Variants in VDR observed in about 807,000 individuals in gnomAD.
VDR encodes the protein vitamin D receptor.
In VDR, 19 loss-of-function variants were observed where a neutral mutation model predicts 39.7. That is an observed-to-expected ratio of 0.48 (90% CI 0.33 to 0.70). VDR has a LOEUF of 0.70. VDR is among the 30% of genes least tolerant of loss of function. VDR has a pLI of 0.02. For synonymous variants in VDR, 242 were observed against 215.8 expected (o/e 1.12, Z -1.07); for missense variants, 442 against 570.5 (o/e 0.77, Z 2.29).
Position 47,844,444 on chromosome 12 carries a change from G to A in VDR, c.*302C>T, listed in dbSNP as rs1208560605. The A allele has an allele frequency of 1.3e-5, 7 of 552,814 alleles. No homozygotes were observed. Among genetic ancestry groups the A allele is most frequent in the South Asian group, 2.1e-5 (1 of 47,718 alleles). 34.2% of individuals were successfully genotyped at this position (552,814 alleles called of 1,614,324 possible). ...ATCAGTCAGCAGCCACTTAGGCAGC[G>A]GTGGAGGCATCTCTGGGCAAGGCCC... On this transcript the variant is annotated 3_prime_UTR_variant, in exon 10 of 10. Coordinates refer to ENST00000549336, the MANE Select transcript of VDR (RefSeq NM_000376.3).
chr12:47,848,713 C>A (rs1365409495), intron 7 of VDR, among the ~76,000 whole-genome samples: 3 of 151,960 alleles, frequency 2.0e-5, no homozygotes, highest in Non-Finnish European at 4.4e-5. Flanking sequence ...ATTAGAGGCA[C>A]CTGCCACCAC....
chr12:47,882,700 G>C lies in VDR; in HGVS notation c.-9C>G. ...CTGATGAGGAAACACCTACCTGAAGGAGCAGGGGGCAGGTAAGTGGAGCCC... is the reference window on the plus strand; with the variant it reads ...CTGATGAGGAAACACCTACCTGAAGCAGCAGGGGGCAGGTAAGTGGAGCCC... On this transcript the variant is annotated 5_prime_UTR_variant, in exon 2 of 10. Coordinates refer to ENST00000549336, the MANE Select transcript of VDR (RefSeq NM_000376.3). 6.7e-7 allele frequency: 1 copy of C among 1,497,696 alleles called. No homozygotes were observed. Among genetic ancestry groups the C allele is most frequent in the African/African-American group, 1.4e-5 (1 of 70,948 alleles). The allele number at this position is 1,497,696 out of a possible 1,614,324, so 92.8% of individuals were successfully genotyped here.
intron 1 of VDR, among the ~76,000 whole-genome samples, chr12:47,895,857 C>T (rs576297804): frequency 1.5e-4 from 23 of 152,332 alleles, no homozygotes; most frequent in Non-Finnish European, 2.9e-4. Context: ...CCTGCTGGGC[C>T]GAGAGGGGCT....
chr12:47,846,210 T>A (rs899491221), intron 9 of VDR, 125 bp downstream of exon 9: 24 of 796,748 alleles, frequency 3.0e-5, no homozygotes, highest in Non-Finnish European at 5.0e-5. Context: ...AAGTAGGTAT[T>A]TCCTTATCTG....
rs71077177 is a variant in VDR, at chr12:47,873,351, C to CTTTTTTTTTTTTTTT, written c.146+5602_146+5616dup. ...ACCATGAGTCAATTAAACCTGTTTT[C>CTTTTTTTTTTTTTTT]TTTTTTTTTTTTTTTTTTTTTTTTT... is the stretch of plus-strand genomic sequence containing the variant. On this transcript the variant is annotated intron_variant, in intron 3 of 9. Transcript: ENST00000549336. Among the ~76,000 whole-genome samples, 220 of 98,408 alleles carry CTTTTTTTTTTTTTTT rather than the reference C, an allele frequency of 2.2e-3. 29 individuals carry two copies. Among genetic ancestry groups the CTTTTTTTTTTTTTTT allele is most frequent in the East Asian group, 5.6e-3 (13 of 2,322 alleles). 64.6% of individuals were successfully genotyped at this position (98,408 alleles called of 152,430 possible). A position where few individuals can be genotyped will look rare whatever the true frequency, so the allele number is the denominator to read the frequency against.
intron 3 of VDR, among the ~76,000 whole-genome samples, chr12:47,866,248 C>T (rs1032637663): frequency 6.6e-5 from 10 of 151,978 alleles, no homozygotes; most frequent in African/African-American, 2.4e-4. Context: ...GCTGGGACTA[C>T]AGGCGCCCAC....
chr12:47,871,599 A>T (rs574331096), intron 3 of VDR, among the ~76,000 whole-genome samples: 27 of 151,482 alleles, frequency 1.8e-4, no homozygotes, highest in Admixed American at 1.6e-3. Flanking sequence ...GAGTAGCTGG[A>T]ATTACAGGCA....
chr12:47,858,635 G>A (rs1035172786), intron 4 of VDR, among the ~76,000 whole-genome samples: 3 of 152,252 alleles, frequency 2.0e-5, no homozygotes, highest in African/African-American at 4.8e-5. Flanking sequence ...CTGGCACGGC[G>A]GCTGGGCAAA....
intron 3 of VDR, among the ~76,000 whole-genome samples, chr12:47,866,893 A>T (rs367844066): frequency 6.6e-6 from 1 of 152,118 alleles, no homozygotes; most frequent in African/African-American, 2.4e-5. Context: ...GGGGGCTGGG[A>T]GCTGAGGCAG....
At chr12:47,901,317 C>T (rs943853523) in intron 1 of VDR, 20 of 155,200 alleles carry the variant, frequency 1.3e-4, no homozygotes, top group African/African-American at 4.8e-4. Flanking sequence ...ACCATGAGGA[C>T]CCAGGACCCA....
Position 47,857,679 on chromosome 12 carries a change from G to A in VDR, c.287C>T (p.Thr96Ile). 1.9e-6 allele frequency: 3 copies of A among 1,613,646 alleles called. No individual in the cohort carries two copies. Among genetic ancestry groups the A allele is most frequent in the East Asian group, 4.5e-5 (2 of 44,856 alleles). ...DIGMMKEFILTDEEVQRKREM... is the reference protein window; with the variant it reads ...DIGMMKEFILIDEEVQRKREM... ...CCGCTTCCTCTGCACTTCCTCATCT[G>A]TCAGAATGACTGTGGGGTGGGAAGG... Residue 96 changes from threonine (T) to isoleucine (I), a missense_variant, in exon 5 of 10, where the codon ACA becomes ATA. Around this residue, in one of 5 missense-constraint regions of VDR, gnomAD observed 141 missense variants for 141.3 expected, o/e 1.00. Coordinates refer to ENST00000549336, the MANE Select transcript of VDR (RefSeq NM_000376.3).
intron 3 of VDR, among the ~76,000 whole-genome samples, chr12:47,868,363 G>A (rs1044386048): frequency 1.3e-5 from 2 of 152,244 alleles, no homozygotes; most frequent in African/African-American, 4.8e-5. Flanking sequence ...AGCAGCACCA[G>A]GCTATCAGGG....
At chr12:47,846,597 G>A (rs754696378) in intron 8 of VDR, 60 bp downstream of exon 8, 21 of 1,608,450 alleles carry the variant, frequency 1.3e-5, no homozygotes, top group African/African-American at 1.1e-4. Context: ...ACCCCAGGAC[G>A]GGTGGAGCCA....
At chr12:47,862,324 C>T (rs559587949) in intron 4 of VDR, among the ~76,000 whole-genome samples, 11 of 152,166 alleles carry the variant, frequency 7.2e-5, no homozygotes, top group Non-Finnish European at 1.3e-4. Flanking sequence ...GAGTGAGCTC[C>T]GACCCACTGG....
intron 1 of VDR, among the ~76,000 whole-genome samples, chr12:47,890,449 C>G (rs1418090695): frequency 3.3e-5 from 5 of 151,250 alleles, no homozygotes; most frequent in African/African-American, 7.3e-5. Flanking sequence ...CTAGAGCCAG[C>G]TCCTCTGGGG....
chr12:47,849,019 A>G (rs376872382), intron 7 of VDR, among the ~76,000 whole-genome samples: 59 of 152,322 alleles, frequency 3.9e-4, no homozygotes, highest in African/African-American at 8.2e-4. Context: ...TAGTTCCACT[A>G]TTCTGAGTCA....
intron 3 of VDR, among the ~76,000 whole-genome samples, chr12:47,877,089 G>C (rs1417286266): frequency 6.6e-6 from 1 of 152,350 alleles, no homozygotes; most frequent in East Asian, 1.9e-4. Context: ...GACGGAATGA[G>C]TGAAAGAAAC....
intron 1 of VDR, among the ~76,000 whole-genome samples, chr12:47,898,180 G>C (rs900183828): frequency 1.3e-5 from 2 of 152,146 alleles, no homozygotes; most frequent in African/African-American, 4.8e-5. Flanking sequence ...AGCTCTCTCT[G>C]AGACATGTCT....
chr12:47,859,910 CTTCCTTCTTTCTTT>C (rs1319765545), intron 4 of VDR, among the ~76,000 whole-genome samples: 512 of 45,608 alleles, frequency 0.011, 17 homozygotes, highest in African/African-American at 0.021. Context: ...TCCTTCCTTC[CTTCCTTCTTTCTTT>C]TTCTTTCTTT....
Sources: allele counts gnomAD v4.1 joint callset (sites outside exome capture counted in the v4.1 genomes callset), GRCh38; gene constraint gnomAD v4.1.1; regional missense constraint gnomAD v4.1.1; transcripts MANE v1.5; gene names NCBI Gene and HGNC (gene_info 2026-07-23, HGNC 2026-07-21).